CUBN: variants seen among roughly 807,000 people sequenced by gnomAD.
The protein encoded by CUBN is cubilin.
CUBN carries 282 observed loss-of-function variants against 405.3 expected under a neutral mutation model. The ratio of observed to expected loss-of-function variants is 0.70; its 90% CI spans 0.63 to 0.77. The LOEUF is 0.77. Among genes scored for constraint, CUBN ranks in the 30% least tolerant of loss-of-function variants. The probability of loss-of-function intolerance (pLI) is 0.00; values close to 1 mark genes in which losing one functional copy is unlikely to be tolerated. For synonymous variants in CUBN, 1,684 were observed against 1,617.0 expected (o/e 1.04, Z -0.99); for missense variants, 4,514 against 4,475.2 (o/e 1.01, Z -0.25).
At chr10:17,112,824 C>A (rs1462188265) in intron 8 of CUBN, among the ~76,000 whole-genome samples, 1 of 152,036 alleles carries the variant, frequency 6.6e-6, no homozygotes, top group Non-Finnish European at 1.5e-5. Flanking sequence ...TAAAGCTATG[C>A]GATCTTGGGC....
chr10:16,887,169 G>C (rs893704876), intron 56 of CUBN, among the ~76,000 whole-genome samples: 9 of 152,310 alleles, frequency 5.9e-5, no homozygotes, highest in Admixed American at 2.6e-4. Context: ...TTCTCTCACT[G>C]GTTTGGTTAA....
chr10:17,066,544 T>A (rs1209780799), intron 21 of CUBN, among the ~76,000 whole-genome samples: 1 of 152,108 alleles, frequency 6.6e-6, no homozygotes, highest in African/African-American at 2.4e-5. Context: ...AAAAAAAATT[T>A]AATATCTTCA....
At chr10:17,057,226 T>C (rs1430629765) in intron 22 of CUBN, among the ~76,000 whole-genome samples, 6 of 152,164 alleles carry the variant, frequency 3.9e-5, no homozygotes, top group African/African-American at 1.4e-4. Flanking sequence ...AGAGCAGGGC[T>C]ACCCCATAGG....
chr10:16,946,843 G>A (rs1198191200), intron 36 of CUBN, among the ~76,000 whole-genome samples: 3 of 152,188 alleles, frequency 2.0e-5, no homozygotes, highest in African/African-American at 7.2e-5. Context: ...GATTGAGGTA[G>A]GGATAAGATA....
chr10:16,840,466 G>T lies in CUBN; in HGVS notation c.9896C>A (p.Pro3299Gln), dbSNP rs745848165. Residue 3299 changes from proline to glutamine, a missense_variant, in exon 62 of 67, where the codon CCA becomes CAA. By Grantham distance (76) the Pro-to-Gln change is moderately conservative. Transcript: ENST00000377833. ...QNISSPNSSD[P>Q]DVPFSICTWV... ...AGTACAGATGGAAAATGGGACATCT[G>T]GGTCTGATGAATTGGGTGATGAAAT... 3 of 1,613,900 alleles carry T rather than the reference G, an allele frequency of 1.9e-6. No individual in the cohort carries two copies. Among genetic ancestry groups the T allele is most frequent in the African/African-American group, 2.7e-5 (2 of 75,026 alleles).
chr10:16,963,202 T>TTTTTTTTTTTTTTTTTTTC, intron 31 of CUBN, among the ~76,000 whole-genome samples: 1 of 130,564 alleles, frequency 7.7e-6, no homozygotes, highest in Non-Finnish European at 1.6e-5. Flanking sequence ...TTTTCTTTTT[T>TTTTTTTTTTTTTTTTTTTC]TTTTTTTTTT....
chr10:17,060,119 C>G (rs1232530424), intron 22 of CUBN, among the ~76,000 whole-genome samples: 1 of 144,806 alleles, frequency 6.9e-6, no homozygotes, highest in African/African-American at 2.8e-5. Context: ...CCTGGTTTTT[C>G]TTTTCTTTTT....
chr10:17,060,409 C>T (rs1835479278), intron 22 of CUBN, among the ~76,000 whole-genome samples: 2 of 152,168 alleles, frequency 1.3e-5, no homozygotes, highest in South Asian at 4.1e-4. Flanking sequence ...GCATAAGCCA[C>T]CCTGCCTGGC....
chr10:16,887,326 TTC>T (rs1315038031), intron 56 of CUBN, among the ~76,000 whole-genome samples: 3 of 152,246 alleles, frequency 2.0e-5, no homozygotes, highest in Non-Finnish European at 4.4e-5. Context: ...GTTGTTAAAG[TTC>T]TGTCACTATT....
intron 28 of CUBN, among the ~76,000 whole-genome samples, chr10:17,010,638 T>TGATA (rs1240205372): frequency 7.0e-6 from 1 of 143,630 alleles, no homozygotes; most frequent in Middle Eastern, 3.2e-3. Flanking sequence ...GATCCTATCT[T>TGATA]GATAAATAAA....
intron 22 of CUBN, among the ~76,000 whole-genome samples, chr10:17,060,946 G>A (rs1835492433): frequency 6.6e-6 from 1 of 152,158 alleles, no homozygotes; most frequent in African/African-American, 2.4e-5. Context: ...CTACTTGGGA[G>A]GCTGAGGCAG....
At chr10:16,916,130 G>T in intron 45 of CUBN, 100 bp from the exon 46 acceptor site, 1 of 1,213,716 alleles carries the variant, frequency 8.2e-7, no homozygotes, top group African/African-American at 1.5e-5. Context: ...CAGCACATTT[G>T]AAAACTTTTA....
intron 22 of CUBN, among the ~76,000 whole-genome samples, chr10:17,049,413 T>C (rs1835211926): frequency 1.3e-5 from 2 of 152,194 alleles, no homozygotes; most frequent in Non-Finnish European, 2.9e-5. Flanking sequence ...GGAAATACAA[T>C]TGTCTTGCAT....
At chr10:17,108,908 G>T (rs967425947) in intron 10 of CUBN, among the ~76,000 whole-genome samples, 5 of 152,072 alleles carry the variant, frequency 3.3e-5, no homozygotes, top group Non-Finnish European at 7.4e-5. Flanking sequence ...CAAAGGGGAT[G>T]AACAAGTAGA....
chr10:16,850,623 C>T (rs1284826557), intron 60 of CUBN, among the ~76,000 whole-genome samples: 1 of 152,136 alleles, frequency 6.6e-6, no homozygotes, highest in East Asian at 1.9e-4. Context: ...AGGCGCCCGC[C>T]GCCACACCCG....
chr10:17,105,039 G>T (rs1836591564), intron 11 of CUBN, among the ~76,000 whole-genome samples: 1 of 151,550 alleles, frequency 6.6e-6, no homozygotes, highest in Non-Finnish European at 1.5e-5. Context: ...CCTGGCTCGT[G>T]ATGCACCCGC....
chr10:16,874,278 C>T, intron 58 of CUBN, 96 bp downstream of exon 58: 1 of 1,285,036 alleles, frequency 7.8e-7, no homozygotes, highest in Non-Finnish European at 1.1e-6. Flanking sequence ...CTCCAGACTG[C>T]CGATGAGAAT....
At chr10:16,830,670 A>G (rs1355771385) in intron 65 of CUBN, among the ~76,000 whole-genome samples, 1 of 152,246 alleles carries the variant, frequency 6.6e-6, no homozygotes, top group Non-Finnish European at 1.5e-5. Context: ...TTGATGGTCA[A>G]GCCAAAAGTC....
At chr10:16,957,563 C>T (rs1843101053) in intron 31 of CUBN, among the ~76,000 whole-genome samples, 1 of 151,994 alleles carries the variant, frequency 6.6e-6, no homozygotes, top group Admixed American at 6.6e-5. Context: ...CCACTTAATC[C>T]CAATTAGAAA....
Sources: allele counts gnomAD v4.1 joint callset (sites outside exome capture counted in the v4.1 genomes callset), GRCh38; gene constraint gnomAD v4.1.1; transcripts MANE v1.5; gene names NCBI Gene and HGNC (gene_info 2026-07-23, HGNC 2026-07-21).